FBXL13: variants seen among roughly 807,000 people sequenced by gnomAD.
FBXL13 encodes F-box and leucine rich repeat protein 13, also known as F-box and leucine-rich repeat protein 13.
A neutral mutation model predicts 83.6 loss-of-function variants in FBXL13; 67 were observed. That is an observed-to-expected ratio of 0.80 (90% confidence interval 0.66 to 0.98). The LOEUF is 0.98. FBXL13 is among the 50% of genes least tolerant of loss of function. The pLI is 0.00. For synonymous variants in FBXL13, 272 were observed against 299.5 expected (o/e 0.91, Z 0.95); for missense variants, 822 against 866.5 (o/e 0.95, Z 0.64).
At chr7:103,013,199 C>T (rs554888552) in intron 6 of FBXL13, among the ~76,000 whole-genome samples, 5 of 152,280 alleles carry the variant, frequency 3.3e-5, no homozygotes, top group African/African-American at 1.2e-4. Context: ...GCCTTGAATA[C>T]CCCCACTGAC....
At chr7:103,020,004 T>C (rs535221432) in intron 6 of FBXL13, among the ~76,000 whole-genome samples, 1 of 152,176 alleles carries the variant, frequency 6.6e-6, no homozygotes, top group African/African-American at 2.4e-5. Context: ...TACGAAAGCC[T>C]GGCAGAGACA....
intron 17 of FBXL13, among the ~76,000 whole-genome samples, chr7:102,850,012 GAAAA>G (rs879465262): frequency 7.1e-6 from 1 of 140,206 alleles, no homozygotes; most frequent in African/African-American, 2.7e-5. Flanking sequence ...TGTTTTTTTA[GAAAA>G]AAAAAAGAAA....
intron 6 of FBXL13, among the ~76,000 whole-genome samples, chr7:102,989,170 T>A (rs1563191191): frequency 6.6e-6 from 1 of 152,156 alleles, no homozygotes; most frequent in African/African-American, 2.4e-5. Context: ...ACAAAAGCAC[T>A]AGAAAATAAA....
intron 1 of FBXL13, among the ~76,000 whole-genome samples, chr7:103,071,628 C>T (rs1798970943): frequency 6.7e-6 from 1 of 150,016 alleles, no homozygotes; most frequent in South Asian, 2.1e-4. Flanking sequence ...GAACTCCTGG[C>T]AAGCAATCCA....
intron 11 of FBXL13, among the ~76,000 whole-genome samples, chr7:102,886,963 C>A (rs1216130451): frequency 6.6e-6 from 1 of 152,142 alleles, no homozygotes; most frequent in East Asian, 1.9e-4. Flanking sequence ...TATTGTGCTA[C>A]AGAAGCCAGG....
chr7:102,878,777 T>C (rs1037193620), intron 14 of FBXL13, among the ~76,000 whole-genome samples: 5 of 152,160 alleles, frequency 3.3e-5, no homozygotes, highest in African/African-American at 1.2e-4. Flanking sequence ...TACCATTTCC[T>C]GCAAAAGAAA....
intron 5 of FBXL13, among the ~76,000 whole-genome samples, chr7:103,026,263 C>T (rs568008864): frequency 6.6e-6 from 1 of 152,018 alleles, no homozygotes; most frequent in Non-Finnish European, 1.5e-5. Flanking sequence ...CTCAGCCTCC[C>T]AAGTAGCTGG....
At chr7:102,834,878 ATGTGTGTGTGTGTGTGTG>A in intron 17 of FBXL13, among the ~76,000 whole-genome samples, 1 of 147,164 alleles carries the variant, frequency 6.8e-6, no homozygotes, top group Non-Finnish European at 1.5e-5. Flanking sequence ...CCATTCCACA[ATGTGTGTGTGTGTGTGTG>A]TGTGTGTGTG....
chr7:102,997,849 T>C (rs1243071926), intron 6 of FBXL13, among the ~76,000 whole-genome samples: 1 of 152,242 alleles, frequency 6.6e-6, no homozygotes, highest in Non-Finnish European at 1.5e-5. Context: ...CAGATACTCT[T>C]GGTCATTGTA....
chr7:103,056,394 T>C (rs1369249169), intron 1 of FBXL13, among the ~76,000 whole-genome samples: 3 of 152,196 alleles, frequency 2.0e-5, no homozygotes, highest in Non-Finnish European at 2.9e-5. Flanking sequence ...AGTGGGATTG[T>C]TATCCCACTA....
intron 19 of FBXL13, among the ~76,000 whole-genome samples, chr7:102,820,678 A>G (rs991163389): frequency 6.6e-6 from 1 of 152,230 alleles, no homozygotes; most frequent in Non-Finnish European, 1.5e-5. Flanking sequence ...TATTGCTCAT[A>G]GTTATAGAGG....
chr7:102,905,635 C>A (rs1813636244), intron 11 of FBXL13, among the ~76,000 whole-genome samples: 1 of 152,026 alleles, frequency 6.6e-6, no homozygotes, highest in South Asian at 2.1e-4. Context: ...TAAGTAAGGA[C>A]CTACTTATTC....
At chr7:102,975,955 G>A (rs1190819482) in intron 6 of FBXL13, 1 of 765,622 alleles carries the variant, frequency 1.3e-6, no homozygotes, top group East Asian at 2.4e-5. Context: ...CCTCCACCTG[G>A]TGCCTGCTTC....
intron 19 of FBXL13, among the ~76,000 whole-genome samples, chr7:102,819,408 T>C (rs1326772041): frequency 6.6e-6 from 1 of 152,068 alleles, no homozygotes; most frequent in Non-Finnish European, 1.5e-5. Flanking sequence ...TGCAGGAAAC[T>C]CTCCTGCAAA....
intron 1 of FBXL13, among the ~76,000 whole-genome samples, chr7:103,070,155 T>C (rs1324076662): frequency 6.7e-6 from 1 of 149,606 alleles, no homozygotes; most frequent in Non-Finnish European, 1.5e-5. Context: ...CAGAAGAAAA[T>C]AAGCAATAGA....
At chr7:102,847,608 C>T (rs1055828583) in intron 17 of FBXL13, among the ~76,000 whole-genome samples, 2 of 151,420 alleles carry the variant, frequency 1.3e-5, no homozygotes, top group African/African-American at 4.9e-5. Context: ...CTCACTGCAA[C>T]CTCTGCCTCC....
intron 8 of FBXL13, chr7:102,934,243 G>C: frequency 6.2e-7 from 1 of 1,614,212 alleles, no homozygotes; most frequent in South Asian, 1.1e-5. Context: ...TGAAAAGCCT[G>C]GATCTGCAGC....
At chr7:102,968,654 T>C (rs1019379283) in intron 6 of FBXL13, among the ~76,000 whole-genome samples, 6 of 152,162 alleles carry the variant, frequency 3.9e-5, no homozygotes, top group African/African-American at 1.4e-4. Flanking sequence ...CATCAGTAAA[T>C]GCTAAAAGAA....
chr7:103,060,255 G>A (rs1797779960), intron 1 of FBXL13, among the ~76,000 whole-genome samples: 1 of 150,998 alleles, frequency 6.6e-6, no homozygotes, highest in African/African-American at 2.4e-5. Flanking sequence ...GTCTCACTCT[G>A]TTGCCCAGGC....
Sources: allele counts gnomAD v4.1 joint callset (sites outside exome capture counted in the v4.1 genomes callset), GRCh38; gene constraint gnomAD v4.1.1; transcripts MANE v1.5; gene names NCBI Gene and HGNC (gene_info 2026-07-23, HGNC 2026-07-21).